Variants in SSH2 observed in about 807,000 individuals in gnomAD.
The protein encoded by SSH2 is protein phosphatase Slingshot homolog 2.
SSH2 carries 37 observed loss-of-function variants against 135.2 expected under a neutral mutation model. The ratio of observed to expected loss-of-function variants is 0.27; its 90% CI spans 0.21 to 0.36. The LOEUF (loss-of-function observed/expected upper bound fraction) is 0.36. Ranked by LOEUF, SSH2 falls within the 10% of genes least tolerant of loss-of-function variation. The probability of loss-of-function intolerance (pLI) is 1.00; values close to 1 mark genes in which losing one functional copy is unlikely to be tolerated. For missense variants in SSH2, 1,408 were observed against 1,765.3 expected (o/e 0.80, Z 3.63); for synonymous variants, 628 against 646.2 (o/e 0.97, Z 0.43).
intron 3 of SSH2, among the ~76,000 whole-genome samples, chr17:29,779,680 G>C (rs762645562): frequency 6.6e-6 from 1 of 151,222 alleles, no homozygotes; most frequent in Non-Finnish European, 1.5e-5. Flanking sequence ...TTAGCTGGGC[G>C]TGGTGGTGGG....
intron 5 of SSH2, among the ~76,000 whole-genome samples, chr17:29,694,332 C>G (rs1329583201): frequency 6.6e-6 from 1 of 152,140 alleles, no homozygotes; most frequent in Admixed American, 6.6e-5. Context: ...GGAGGTATTA[C>G]TACAACAGTG....
chr17:29,858,765 G>A (rs1034368245), intron 1 of SSH2, among the ~76,000 whole-genome samples: 6 of 152,066 alleles, frequency 3.9e-5, no homozygotes, highest in East Asian at 1.9e-4. Context: ...CTAACTACTC[G>A]GGAGGCTGAG....
chr17:29,662,172 T>G (rs995306018), intron 11 of SSH2, among the ~76,000 whole-genome samples: 4 of 152,224 alleles, frequency 2.6e-5, no homozygotes, highest in Non-Finnish European at 5.9e-5. Flanking sequence ...AGTAAGTTCA[T>G]TTCCATCTTT....
intron 1 of SSH2, among the ~76,000 whole-genome samples, chr17:29,855,237 C>G (rs951453174): frequency 6.6e-6 from 1 of 151,792 alleles, no homozygotes; most frequent in African/African-American, 2.4e-5. Flanking sequence ...CGTGGTGGCC[C>G]ATGCCTGTAA....
chr17:29,781,479 T>TC (rs1267718706), intron 3 of SSH2, among the ~76,000 whole-genome samples: 1 of 137,978 alleles, frequency 7.2e-6, no homozygotes, highest in Non-Finnish European at 1.6e-5. Context: ...TTTTCTTTTT[T>TC]TTTTTTTTTT....
At chr17:29,861,500 C>A (rs191428031) in intron 1 of SSH2, among the ~76,000 whole-genome samples, 6 of 152,178 alleles carry the variant, frequency 3.9e-5, no homozygotes, top group African/African-American at 1.4e-4. Context: ...AACATATTTA[C>A]AGGTTCACAG....
intron 3 of SSH2, among the ~76,000 whole-genome samples, chr17:29,728,791 A>C (rs1023598515): frequency 4.6e-5 from 7 of 152,230 alleles, no homozygotes; most frequent in African/African-American, 1.4e-4. Flanking sequence ...AAGAACATCC[A>C]TTGGGGAAAG....
intron 5 of SSH2, among the ~76,000 whole-genome samples, chr17:29,686,141 G>A (rs1290407781): frequency 1.3e-5 from 2 of 151,818 alleles, no homozygotes; most frequent in Non-Finnish European, 2.9e-5. Flanking sequence ...GAGCCACCGC[G>A]CCCAGCCTTG....
chr17:29,806,885 A>G (rs890383656), intron 2 of SSH2, among the ~76,000 whole-genome samples: 7 of 152,174 alleles, frequency 4.6e-5, no homozygotes, highest in African/African-American at 1.7e-4. Context: ...CGTCTGTCCT[A>G]CCAGCTATAC....
At chr17:29,871,145 G>A (rs1014555956) in intron 1 of SSH2, among the ~76,000 whole-genome samples, 2 of 152,100 alleles carry the variant, frequency 1.3e-5, no homozygotes, top group Admixed American at 6.5e-5. Flanking sequence ...GAGAAGTCAC[G>A]GGATAGGTCT....
rs1241388461 is a variant in SSH2, at chr17:29,882,506, C to CT, written c.64-33578dup. ...GTGGCTCACACCTGTAATCCCAGCA[C>CT]TTTGGGGGAGGCCTAGGCAGGTGGA... On this transcript the variant is annotated intron_variant, in intron 1 of 15. Transcript: ENST00000540801. 1.0e-4 allele frequency among the ~76,000 whole-genome samples: 13 copies of CT among 125,566 alleles called. No homozygotes were observed. In the Admixed American group the frequency reaches 1.1e-3, roughly 11 times the overall value. The allele number at this position is 125,566 out of a possible 152,430, so 82.4% of individuals were successfully genotyped here.
intron 3 of SSH2, among the ~76,000 whole-genome samples, chr17:29,774,908 G>A (rs1382338028): frequency 1.3e-5 from 2 of 152,108 alleles, no homozygotes; most frequent in African/African-American, 4.8e-5. Flanking sequence ...CATTCCTTCT[G>A]TAGCTCAGGA....
chr17:29,719,207 A>C (rs2039732963), intron 3 of SSH2, among the ~76,000 whole-genome samples: 1 of 152,236 alleles, frequency 6.6e-6, no homozygotes, highest in Non-Finnish European at 1.5e-5. Flanking sequence ...TATAATGGCA[A>C]GAACTTCACC....
At chr17:29,676,736 A>T in intron 8 of SSH2, 84 bp downstream of exon 8, 1 of 1,126,124 alleles carries the variant, frequency 8.9e-7, no homozygotes, top group East Asian at 2.4e-5. Flanking sequence ...TTCATAGCAA[A>T]CTGTACCATT....
rs182502498 is a variant in SSH2, at chr17:29,848,438, G to A, written c.144+411C>T. Among the ~76,000 whole-genome samples the A allele has an allele frequency of 6.0e-4, 92 of 152,212 alleles. 1 individual carries two copies. Among genetic ancestry groups the A allele is most frequent in the Admixed American group, 2.1e-3 (32 of 15,286 alleles). ...GCTAAGACATGTGAGGCCCATGTAC[G>A]TGAGGAATAAAGGCCCTGTGGCAGC... On this transcript the variant is annotated intron_variant, in intron 2 of 15. Transcript: ENST00000540801.
intron 1 of SSH2, among the ~76,000 whole-genome samples, chr17:29,873,256 C>A (rs1170188682): frequency 1.3e-5 from 2 of 151,930 alleles, no homozygotes; most frequent in Non-Finnish European, 2.9e-5. Flanking sequence ...AGATGTACAT[C>A]TAGCTCAAAA....
intron 9 of SSH2, among the ~76,000 whole-genome samples, chr17:29,671,373 C>T (rs915320094): frequency 6.6e-6 from 1 of 151,930 alleles, no homozygotes; most frequent in African/African-American, 2.4e-5. Context: ...GTCCCAGGTA[C>T]TTTGCAGGCT....
At chr17:29,833,498 T>G (rs964275240) in intron 2 of SSH2, among the ~76,000 whole-genome samples, 6 of 152,334 alleles carry the variant, frequency 3.9e-5, no homozygotes, top group Non-Finnish European at 5.9e-5. Flanking sequence ...GTGTTTCTTA[T>G]AGGCAACAGA....
chr17:29,794,510 T>C (rs892662815), intron 2 of SSH2, among the ~76,000 whole-genome samples: 2 of 152,224 alleles, frequency 1.3e-5, no homozygotes, highest in African/African-American at 4.8e-5. Context: ...CCAATTATTT[T>C]TAATTTATTC....
Sources: gnomAD v4.1 joint callset for allele counts (sites outside exome capture counted in the v4.1 genomes callset) on GRCh38, gnomAD v4.1.1 for gene constraint, MANE v1.5 for transcripts, NCBI Gene and HGNC (gene_info 2026-07-23, HGNC 2026-07-21) for gene names.